SIK2: variants seen among roughly 807,000 people sequenced by gnomAD.
The protein encoded by SIK2 is salt inducible kinase 2.
A neutral mutation model predicts 103.2 loss-of-function variants in SIK2; 29 were observed. The observed-to-expected ratio is 0.28, with a 90% CI of 0.21 to 0.38. The LOEUF (loss-of-function observed/expected upper bound fraction) is 0.38. Ranked by LOEUF, SIK2 falls within the 10% of genes least tolerant of loss-of-function variation. The probability of loss-of-function intolerance (pLI) is 1.00; values close to 1 mark genes in which losing one functional copy is unlikely to be tolerated. For missense variants in SIK2, 879 were observed against 1,171.0 expected, an observed-to-expected ratio of 0.75 and a Z score of 3.64; for synonymous variants, 412 against 446.1, an observed-to-expected ratio of 0.92 and a Z score of 0.96.
intron 3 of SIK2, among the ~76,000 whole-genome samples, chr11:111,641,765 C>T (rs1942186850): frequency 6.6e-6 from 1 of 152,118 alleles, no homozygotes. Flanking sequence ...GTAGACCTAG[C>T]TCTTTTTTCC....
In SIK2 at chr11:111,705,038, G is replaced by A; in HGVS notation, c.1000G>A (p.Val334Met). ...NHFAAIYFLL[V>M]ERLKSHRSSF... ...CTTTGCTGCCATTTATTTCTTGTTG[G>A]TGGAGCGCCTGAAATCACATCGGAG... Residue 334 changes from valine to methionine, a missense_variant, in exon 8 of 15, where the codon GTG (valine) becomes ATG (methionine). By Grantham distance (21) the Val-to-Met change is conservative (BLOSUM62 1). Coordinates refer to ENST00000304987, the MANE Select transcript of SIK2 (RefSeq NM_015191.3). The surrounding 1 kb of genome is among the most constrained non-coding windows in gnomAD (Gnocchi z 4.3). 6.2e-7 allele frequency: 1 copy of A among 1,609,060 alleles called. No homozygotes were observed. Among genetic ancestry groups the A allele is most frequent in the South Asian group, 1.1e-5 (1 of 89,734 alleles).
In SIK2 at chr11:111,602,627, A is replaced by G; in HGVS notation, c.64A>G (p.Ile22Val). The part of the protein sequence containing the change: ...RGPVRVGFYD[I>V]EGTLGKGNFA... ...GCCGGTCCGGGTGGGGTTCTACGAC[A>G]TCGAGGGCACGCTGGGCAAGGGCAA... The change falls in exon 1 of 15, where the codon ATC (isoleucine) becomes GTC (valine). Residue 22 changes from isoleucine to valine, a missense_variant. Coordinates refer to ENST00000304987, the MANE Select transcript of SIK2 (RefSeq NM_015191.3). This position sits in a 1 kb window ranked among gnomAD's most constrained non-coding sequence, Gnocchi z 4.5. 1 of 1,534,756 alleles carries G rather than the reference A, an allele frequency of 6.5e-7. No individual in the cohort carries two copies. Among genetic ancestry groups the G allele is most frequent in the Non-Finnish European group, 8.8e-7 (1 of 1,140,024 alleles).
chr11:111,651,577 G>T (rs1164991879), intron 3 of SIK2, among the ~76,000 whole-genome samples: 1 of 152,176 alleles, frequency 6.6e-6, no homozygotes, highest in Non-Finnish European at 1.5e-5. Context: ...GCTAATGCAT[G>T]CAGGGCTTAA....
intron 4 of SIK2, among the ~76,000 whole-genome samples, chr11:111,692,889 G>A (rs553160628): frequency 6.6e-6 from 1 of 151,788 alleles, no homozygotes; most frequent in African/African-American, 2.4e-5. Flanking sequence ...TAGCCATCTT[G>A]TATATTGAAA....
At chr11:111,615,000 G>A (rs1032657837) in intron 1 of SIK2, among the ~76,000 whole-genome samples, 37 of 151,906 alleles carry the variant, frequency 2.4e-4, no homozygotes, top group African/African-American at 8.7e-4. Context: ...TTAGCCAGAC[G>A]TGGTGGCACA....
At chr11:111,617,977 A>G (rs1941831538) in intron 2 of SIK2, among the ~76,000 whole-genome samples, 1 of 151,976 alleles carries the variant, frequency 6.6e-6, no homozygotes, top group South Asian at 2.1e-4. Flanking sequence ...TGTTGCCCAG[A>G]CTGGCCTTGA....
chr11:111,711,717 C>T (rs1210758432), intron 8 of SIK2, among the ~76,000 whole-genome samples: 1 of 152,194 alleles, frequency 6.6e-6, no homozygotes, highest in Non-Finnish European at 1.5e-5. Context: ...TTTACCATCT[C>T]ACCTACACCA....
intron 8 of SIK2, among the ~76,000 whole-genome samples, chr11:111,707,873 T>A (rs991945245): frequency 6.6e-6 from 1 of 152,164 alleles, no homozygotes; most frequent in African/African-American, 2.4e-5. Context: ...TTCGGGCAAG[T>A]CAGCGTCTCT....
chr11:111,640,530 C>G (rs1019895248), intron 3 of SIK2, among the ~76,000 whole-genome samples: 2 of 151,958 alleles, frequency 1.3e-5, no homozygotes, highest in African/African-American at 4.8e-5. Context: ...CTCTTTGTTT[C>G]TTTATCCCAT....
chr11:111,662,672 T>C (rs1430233710), intron 3 of SIK2, among the ~76,000 whole-genome samples: 1 of 151,874 alleles, frequency 6.6e-6, no homozygotes, highest in Admixed American at 6.6e-5. Context: ...AGCTCGGTAG[T>C]TTGAGACCAG....
chr11:111,721,560 G>A (rs1303400516), intron 12 of SIK2, among the ~76,000 whole-genome samples: 1 of 152,122 alleles, frequency 6.6e-6, no homozygotes, highest in African/African-American at 2.4e-5. Context: ...ATTATAGTTC[G>A]AGGCCCACAT....
intron 3 of SIK2, among the ~76,000 whole-genome samples, chr11:111,660,031 G>A (rs79958943): frequency 0.027 from 4,147 of 152,252 alleles, 79 homozygotes; most frequent in Non-Finnish European, 0.038. Context: ...TTTCTTAGGC[G>A]TGAGAAAACA....
rs1944051384 is a variant in SIK2, at chr11:111,728,454, A to G, written c.*4325A>G. 6.6e-6 allele frequency: 1 copy of G among 152,174 alleles called. No homozygotes were observed. The highest frequency in any genetic ancestry group is 6.5e-5 in the Admixed American group (1 of 15,286). 9.4% of individuals were successfully genotyped at this position (152,174 alleles called of 1,614,324 possible). A position where few individuals can be genotyped will look rare whatever the true frequency, so the allele number is the denominator to read the frequency against. On this transcript the variant is annotated 3_prime_UTR_variant, in exon 15 of 15. Transcript: ENST00000304987. ...CAGGTGTGTGCTACCGCATCCAGCT[A>G]GTTTGTATATTTTTAGTAGAGATGG...
At position 111,720,594 on chromosome 11, in the gene SIK2, A is replaced by G; in HGVS notation, c.1612A>G (p.Ile538Val). 1 of 1,614,080 alleles carries G rather than the reference A, an allele frequency of 6.2e-7. No individual in the cohort carries two copies. Among genetic ancestry groups the G allele is most frequent in the Non-Finnish European group, 8.5e-7 (1 of 1,180,010 alleles). Residue 538 changes from isoleucine to valine, a missense_variant, in exon 11 of 15, where the codon ATC becomes GTC. Coordinates refer to ENST00000304987, the MANE Select transcript of SIK2 (RefSeq NM_015191.3). Reference protein sequence around the residue: ...FLEDNPSLKDIMLANQPSPRM... With the variant: ...FLEDNPSLKDVMLANQPSPRM... ...GGAAGACAACCCTTCCCTTAAGGAC[A>G]TCATGTTAGCCAATCAGCCTTCACC...
At chr11:111,618,652 T>A (rs1941840169) in intron 2 of SIK2, among the ~76,000 whole-genome samples, 1 of 152,160 alleles carries the variant, frequency 6.6e-6, no homozygotes, top group Non-Finnish European at 1.5e-5. Context: ...TTAGCCTGGA[T>A]AACACAGAGA....
chr11:111,673,889 C>G (rs1211511272), intron 3 of SIK2, among the ~76,000 whole-genome samples: 7 of 151,918 alleles, frequency 4.6e-5, no homozygotes, highest in Non-Finnish European at 1.0e-4. Context: ...GCCTGGCCAA[C>G]ATTGTGGAAC....
At chr11:111,679,711 A>G (rs1942752449) in intron 3 of SIK2, among the ~76,000 whole-genome samples, 1 of 152,206 alleles carries the variant, frequency 6.6e-6, no homozygotes, top group Non-Finnish European at 1.5e-5. Context: ...TCAGTGTGCT[A>G]AAAACAGTTC....
At chr11:111,636,208 C>T (rs568075012) in intron 3 of SIK2, among the ~76,000 whole-genome samples, 1 of 152,250 alleles carries the variant, frequency 6.6e-6, no homozygotes, top group African/African-American at 2.4e-5. Flanking sequence ...CTTTTCTTCT[C>T]GCTTTGGTGA....
chr11:111,727,860 C>T lies in SIK2; in HGVS notation c.*3731C>T, dbSNP rs1944026375. ...ATGCGGGCAGTTGAGGATGCAAGGA[C>T]ACAGTGAGTGAGTGGCGCTCCTTTT... On this transcript the variant is annotated 3_prime_UTR_variant, in exon 15 of 15. Transcript: ENST00000304987. 1 of 152,250 alleles carries T rather than the reference C, an allele frequency of 6.6e-6. No individual in the cohort carries two copies. The highest frequency in any genetic ancestry group is 1.5e-5 in the Non-Finnish European group (1 of 68,052). The allele number at this position is 152,250 out of a possible 1,614,324, so 9.4% of individuals were successfully genotyped here. A position where few individuals can be genotyped will look rare whatever the true frequency, so the allele number is the denominator to read the frequency against.
Sources: allele counts gnomAD v4.1 joint callset (sites outside exome capture counted in the v4.1 genomes callset), GRCh38; gene constraint gnomAD v4.1.1; non-coding constraint Gnocchi (gnomAD v3.1); transcripts MANE v1.5; gene names NCBI Gene and HGNC (gene_info 2026-07-23, HGNC 2026-07-21).